PTER: variants seen among roughly 807,000 people sequenced by gnomAD.
PTER encodes N-acetyltaurine hydrolase.
In PTER, 38 loss-of-function variants were observed where a neutral mutation model predicts 29.6. That is an observed-to-expected ratio of 1.28 (90% CI 0.99 to 1.68). PTER has a LOEUF of 1.68. PTER is among the 40% of genes most tolerant of loss of function. PTER has a pLI of 0.00. For synonymous variants in PTER, 172 were observed against 154.5 expected, an observed-to-expected ratio of 1.11 and a Z score of -0.84; for missense variants, 482 against 427.8, an observed-to-expected ratio of 1.13 and a Z score of -1.12.
chr10:16,448,392 G>A (rs966691914), intron 1 of PTER, among the ~76,000 whole-genome samples: 4 of 152,182 alleles, frequency 2.6e-5, no homozygotes, highest in Non-Finnish European at 5.9e-5. Flanking sequence ...TGATAAATGG[G>A]TGGGAGTAAC....
At chr10:16,483,074 C>A (rs1032852746) in intron 1 of PTER, among the ~76,000 whole-genome samples, 1 of 152,140 alleles carries the variant, frequency 6.6e-6, no homozygotes, top group Non-Finnish European at 1.5e-5. Context: ...TGAGCCACTG[C>A]ACCTGGCCAT....
At position 16,451,192 on chromosome 10, in the gene PTER, A is replaced by G. The variant is rs546440369; in HGVS notation, c.-49+14145A>G. On this transcript the variant is annotated intron_variant, in intron 1 of 4. Transcript: ENST00000535784. ...AAGATGAAGTCCAGAAGGCTCAGCA[A>G]GCCTGCTCTGTCATCTTCTCCTGCC... 3.7e-4 allele frequency among the ~76,000 whole-genome samples: 45 copies of G among 123,208 alleles called. 1 individual carries two copies. Among genetic ancestry groups the G allele is most frequent in the African/African-American group, 1.6e-3 (44 of 26,992 alleles). 80.8% of individuals were successfully genotyped at this position (123,208 alleles called of 152,430 possible). A position where few individuals can be genotyped will look rare whatever the true frequency, so the allele number is the denominator to read the frequency against.
chr10:16,503,545 C>A (rs1352691565), intron 3 of PTER, among the ~76,000 whole-genome samples: 1 of 152,126 alleles, frequency 6.6e-6, no homozygotes. Flanking sequence ...GCTGGGATTA[C>A]AGGCACCCAC....
intron 1 of PTER, among the ~76,000 whole-genome samples, chr10:16,459,346 C>G (rs1040977726): frequency 2.6e-5 from 4 of 152,142 alleles, no homozygotes; most frequent in African/African-American, 9.7e-5. Context: ...CTGCATATAT[C>G]AGTTACAGGG....
chr10:16,441,798 G>T (rs1452812546), intron 1 of PTER, among the ~76,000 whole-genome samples: 1 of 152,152 alleles, frequency 6.6e-6, no homozygotes, highest in Non-Finnish European at 1.5e-5. Context: ...GCCAATGGTG[G>T]TCTCTGCTTT....
rs530065646 is a variant in PTER at position 16,499,433 on chromosome 10, T to C, written c.699-5587T>C. On this transcript the variant is annotated intron_variant, in intron 3 of 4. Transcript: ENST00000535784. The stretch of plus-strand genomic sequence containing the variant: ...TTTTATTTTTAATTTAATTATTTTA[T>C]TTATTTATTTATTTATATTTTGGAG... Among the ~76,000 whole-genome samples the C allele has an allele frequency of 2.0e-5, 3 of 151,836 alleles. No homozygotes were observed. The East Asian group carries it at 5.8e-4, about 29-fold the overall frequency.
chr10:16,484,858 C>T, intron 2 of PTER, 42 bp downstream of exon 2: 2 of 1,520,910 alleles, frequency 1.3e-6, no homozygotes, highest in African/African-American at 1.4e-5. Context: ...TTCATAAATT[C>T]AGAACAGCCA....
chr10:16,503,342 T>C (rs1588630376), intron 3 of PTER, among the ~76,000 whole-genome samples: 1 of 152,016 alleles, frequency 6.6e-6, no homozygotes, highest in Non-Finnish European at 1.5e-5. Context: ...TTCTCATGCC[T>C]CAGCCTCCCG....
chr10:16,473,132 C>G (rs1454637405), intron 1 of PTER, among the ~76,000 whole-genome samples: 8 of 151,910 alleles, frequency 5.3e-5, no homozygotes, highest in Non-Finnish European at 1.2e-4. Context: ...AAGGTATAAA[C>G]TAGTTGTGAT....
chr10:16,515,020 T>G (rs960987605), downstream of PTER, among the ~76,000 whole-genome samples: 1 of 152,108 alleles, frequency 6.6e-6, no homozygotes, highest in Non-Finnish European at 1.5e-5. Context: ...ACTCCTTCGA[T>G]CCCTATGCCC....
intron 1 of PTER, among the ~76,000 whole-genome samples, chr10:16,439,359 G>T (rs1833769127): frequency 6.6e-6 from 1 of 152,120 alleles, no homozygotes. Flanking sequence ...GAAAAAAAAT[G>T]CAATTTAATA....
intron 2 of PTER, among the ~76,000 whole-genome samples, chr10:16,485,168 A>G (rs1167292103): frequency 5.9e-5 from 9 of 152,150 alleles, no homozygotes. Flanking sequence ...TCACTTTTCC[A>G]TCTTAAGTTA....
chr10:16,507,550 C>T (rs755371236), intron 4 of PTER, among the ~76,000 whole-genome samples: 2 of 152,206 alleles, frequency 1.3e-5, no homozygotes, highest in African/African-American at 4.8e-5. Context: ...ATAGTTGGGA[C>T]ATCCTGAGGA....
At chr10:16,473,855 T>G (rs1835155976) in intron 1 of PTER, among the ~76,000 whole-genome samples, 1 of 152,180 alleles carries the variant, frequency 6.6e-6, no homozygotes, top group African/African-American at 2.4e-5. Flanking sequence ...GAATAATATC[T>G]GCCTGATTAA....
chr10:16,460,951 A>T (rs1263818388), intron 1 of PTER, among the ~76,000 whole-genome samples: 1 of 152,176 alleles, frequency 6.6e-6, no homozygotes, highest in East Asian at 1.9e-4. Flanking sequence ...TCCTGACCTC[A>T]GGTGATCCAC....
At chr10:16,495,773 A>G (rs1056007727) in intron 3 of PTER, among the ~76,000 whole-genome samples, 4 of 152,246 alleles carry the variant, frequency 2.6e-5, no homozygotes, top group Non-Finnish European at 5.9e-5. Context: ...AAAGCTCAGC[A>G]CAATGGAAAG....
chr10:16,484,661 G>A lies in PTER; in HGVS notation c.277G>A (p.Gly93Arg). 8 of 1,614,162 alleles carry A rather than the reference G, an allele frequency of 5.0e-6. No homozygotes were observed. Among genetic ancestry groups the A allele is most frequent in the Non-Finnish European group, 6.8e-6 (8 of 1,180,010 alleles). The change falls in exon 2 of 5, where the codon GGG becomes AGG. Residue 93 changes from glycine to arginine, a missense_variant. Physicochemically the swap from Gly to Arg is moderately radical, Grantham distance 125 (BLOSUM62 -2). Transcript: ENST00000535784. ...GTTGTATTTTAAAGCTAATGGTGGA[G>A]GGGCTTTGGTGGAAAACACAACCAC... is the stretch of plus-strand genomic sequence containing the variant. ...ELLYFKANGG[G>R]ALVENTTTGI...
chr10:16,462,301 A>T (rs1484659468), intron 1 of PTER, among the ~76,000 whole-genome samples: 1 of 152,048 alleles, frequency 6.6e-6, no homozygotes, highest in Non-Finnish European at 1.5e-5. Context: ...CTAGGACTTT[A>T]TGAGAGGTGG....
chr10:16,479,789 G>T (rs1358645277), intron 1 of PTER, among the ~76,000 whole-genome samples: 1 of 151,788 alleles, frequency 6.6e-6, no homozygotes, highest in African/African-American at 2.4e-5. Flanking sequence ...CTGGATAATA[G>T]CGACATCCTA....
Sources: gnomAD v4.1 joint callset for allele counts (sites outside exome capture counted in the v4.1 genomes callset) on GRCh38, gnomAD v4.1.1 for gene constraint, MANE v1.5 for transcripts, NCBI Gene and HGNC (gene_info 2026-07-23, HGNC 2026-07-21) for gene names.